The following RBFOX1 variants were observed in gnomAD, a reference collection of about 807,000 sequenced individuals.
RBFOX1 encodes RNA binding fox-1 homolog 1.
In RBFOX1, 8 loss-of-function variants were observed where a neutral mutation model predicts 57.7. That is an observed-to-expected ratio of 0.14 (90% confidence interval 0.08 to 0.25). The LOEUF is 0.25. Among genes scored for constraint, RBFOX1 ranks in the 10% least tolerant of loss-of-function variants. RBFOX1 has a pLI of 1.00. For synonymous variants in RBFOX1, 326 were observed against 222.4 expected, an observed-to-expected ratio of 1.47 and a Z score of -4.15; for missense variants, 611 against 548.5, an observed-to-expected ratio of 1.11 and a Z score of -1.14.
intron 4 of RBFOX1, among the ~76,000 whole-genome samples, chr16:7,123,149 T>C (rs1320267306): frequency 1.3e-5 from 2 of 152,176 alleles, no homozygotes; most frequent in East Asian, 1.9e-4. Context: ...CTGTAAATTA[T>C]GTTAACATTT....
Position 5,697,575 on chromosome 16 carries a change from C to T in RBFOX1, c.318+98614C>T, listed in dbSNP as rs146396886. On this transcript the variant is annotated intron_variant, in intron 3 of 19. Transcript: ENST00000641259. Reference sequence around the variant, plus strand: ...TTGAGATAGAGTCTCGCTCTGTCACCCAGGCTGGAGTGCATTGGCATGACC... The same window carrying T: ...TTGAGATAGAGTCTCGCTCTGTCACTCAGGCTGGAGTGCATTGGCATGACC... 5.1e-3 allele frequency among the ~76,000 whole-genome samples: 758 copies of T among 148,588 alleles called. 31 individuals carry two copies. The South Asian group carries it at 0.075, about 15-fold the overall frequency.
intron 1 of RBFOX1, among the ~76,000 whole-genome samples, chr16:5,376,648 GT>G (rs2065991433): frequency 6.6e-6 from 1 of 152,130 alleles, no homozygotes; most frequent in Non-Finnish European, 1.5e-5. Context: ...GCTGGCTGTG[GT>G]TACTAGGCGT....
intron 1 of RBFOX1, among the ~76,000 whole-genome samples, chr16:5,348,001 A>G (rs1276925330): frequency 8.2e-6 from 1 of 122,176 alleles, no homozygotes; most frequent in Non-Finnish European, 1.7e-5. Context: ...CTGCCCATCC[A>G]TCCATCCATC....
intron 2 of RBFOX1, among the ~76,000 whole-genome samples, chr16:6,512,548 C>A (rs1265697838): frequency 1.3e-5 from 2 of 152,116 alleles, no homozygotes; most frequent in African/African-American, 4.8e-5. Flanking sequence ...TGTTGCTAGA[C>A]ATTACACAAG....
chr16:6,424,602 G>A (rs1033528101), intron 2 of RBFOX1, among the ~76,000 whole-genome samples: 8 of 27,138 alleles, frequency 2.9e-4, no homozygotes, highest in Non-Finnish European at 6.3e-4. Flanking sequence ...CATCTTAAGA[G>A]CACTGTGTGT....
chr16:6,999,206 A>ATTTTATTTTT (rs1568299754), intron 3 of RBFOX1, among the ~76,000 whole-genome samples: 3 of 72,126 alleles, frequency 4.2e-5, no homozygotes, highest in East Asian at 6.5e-4. Flanking sequence ...TTTATTTTTT[A>ATTTTATTTTT]TTTTTATTTA....
At chr16:6,572,727 G>C (rs1437481384) in intron 2 of RBFOX1, among the ~76,000 whole-genome samples, 4 of 152,050 alleles carry the variant, frequency 2.6e-5, no homozygotes, top group East Asian at 1.9e-4. Flanking sequence ...CGAGTAGCTA[G>C]AATTACAGGT....
chr16:6,414,053 C>T (rs897558175), intron 2 of RBFOX1, among the ~76,000 whole-genome samples: 2 of 152,154 alleles, frequency 1.3e-5, no homozygotes, highest in African/African-American at 4.8e-5. Flanking sequence ...AAGTGCAAGA[C>T]CTCAGAGAGT....
chr16:6,538,440 G>T (rs967668620), intron 2 of RBFOX1, among the ~76,000 whole-genome samples: 1 of 152,082 alleles, frequency 6.6e-6, no homozygotes, highest in South Asian at 2.1e-4. Flanking sequence ...TGCAGTGAGT[G>T]GTGATTGCGC....
At chr16:5,663,661 G>C (rs1241940945) in intron 3 of RBFOX1, among the ~76,000 whole-genome samples, 1 of 152,172 alleles carries the variant, frequency 6.6e-6, no homozygotes, top group African/African-American at 2.4e-5. Context: ...GCCCCTACTT[G>C]GTGTAAGGCA....
chr16:5,313,033 G>T (rs564959321), intron 1 of RBFOX1, among the ~76,000 whole-genome samples: 1 of 152,036 alleles, frequency 6.6e-6, no homozygotes, highest in Non-Finnish European at 1.5e-5. Flanking sequence ...TCAGTGATGA[G>T]ATGTAATTCC....
intron 3 of RBFOX1, among the ~76,000 whole-genome samples, chr16:5,864,023 C>A (rs773086221): frequency 2.0e-5 from 3 of 152,078 alleles, no homozygotes; most frequent in Non-Finnish European, 4.4e-5. Context: ...AGCCTAGTGC[C>A]CATTATTTTT....
At chr16:7,242,574 C>G (rs1188619377) in intron 4 of RBFOX1, among the ~76,000 whole-genome samples, 3 of 152,322 alleles carry the variant, frequency 2.0e-5, no homozygotes, top group Non-Finnish European at 2.9e-5. Flanking sequence ...ATGGGGAGGT[C>G]TCTTCGCCAT....
intron 3 of RBFOX1, among the ~76,000 whole-genome samples, chr16:7,012,242 G>A (rs1024461595): frequency 6.6e-6 from 1 of 152,176 alleles, no homozygotes; most frequent in Non-Finnish European, 1.5e-5. Context: ...ACATCAGCAA[G>A]ATGAAAGAAA....
intron 3 of RBFOX1, among the ~76,000 whole-genome samples, chr16:5,757,566 A>G: frequency 6.6e-6 from 1 of 152,154 alleles, no homozygotes; most frequent in African/African-American, 2.4e-5. Flanking sequence ...CTAGAAGAAC[A>G]CATCATTTCA....
intron 2 of RBFOX1, among the ~76,000 whole-genome samples, chr16:6,359,516 G>T (rs2088016162): frequency 6.6e-6 from 1 of 152,172 alleles, no homozygotes; most frequent in African/African-American, 2.4e-5. Context: ...CATAATGAAA[G>T]ACACTCTTCC....
chr16:5,617,117 C>T (rs2048051698), intron 3 of RBFOX1, among the ~76,000 whole-genome samples: 1 of 151,844 alleles, frequency 6.6e-6, no homozygotes, highest in African/African-American at 2.4e-5. Flanking sequence ...CTCCCTCCGT[C>T]CGTCCCTCCC....
At chr16:6,879,377 C>A (rs1358200714) in intron 3 of RBFOX1, among the ~76,000 whole-genome samples, 1 of 152,148 alleles carries the variant, frequency 6.6e-6, no homozygotes, top group Non-Finnish European at 1.5e-5. Context: ...TCTCTCTCTG[C>A]CCTGTTTATA....
In RBFOX1 at chr16:6,658,238, C is replaced by T. The variant is rs374430965; in HGVS notation, c.-16+3588C>T. On this transcript the variant is annotated intron_variant, in intron 3 of 15. Coordinates refer to ENST00000550418, the MANE Select transcript of RBFOX1 (RefSeq NM_018723.4). ...GTGAATTTCAACAGTGGAAGAGAGC[C>T]TTCATTTTTTTTTTTTTTTAACAGT... is the stretch of plus-strand genomic sequence containing the variant. 3.3e-5 allele frequency among the ~76,000 whole-genome samples: 5 copies of T among 150,760 alleles called. No individual in the cohort carries two copies. The East Asian group carries it at 5.8e-4, about 18-fold the overall frequency.
Sources: gnomAD v4.1 joint callset for allele counts (sites outside exome capture counted in the v4.1 genomes callset) on GRCh38, gnomAD v4.1.1 for gene constraint, MANE v1.5 for transcripts, NCBI Gene and HGNC (gene_info 2026-07-23, HGNC 2026-07-21) for gene names.